NRXN1: variants seen among roughly 807,000 people sequenced by gnomAD.
NRXN1 encodes the protein neurexin-1.
In NRXN1, 39 loss-of-function variants were observed where a neutral mutation model predicts 150.9. The ratio of observed to expected loss-of-function variants is 0.26; its 90% CI spans 0.20 to 0.34. The LOEUF (loss-of-function observed/expected upper bound fraction) is 0.34. NRXN1 is among the 10% of genes least tolerant of loss of function. NRXN1 has a pLI of 1.00. For synonymous variants in NRXN1, 924 were observed against 757.0 expected (o/e 1.22, Z -3.62); for missense variants, 1,815 against 1,949.9 (o/e 0.93, Z 1.30).
rs142757394 is a variant in NRXN1 at position 50,583,108 on chromosome 2, C to T, written c.1321-30083G>A. On this transcript the variant is annotated intron_variant, in intron 8 of 22. Transcript: ENST00000401669. Reference sequence around the variant, plus strand: ...CGCTGTTACCCAGGCTGCAATTCAGCGGCATGATCTCAGCTCACTGCAGCC... The same window carrying T: ...CGCTGTTACCCAGGCTGCAATTCAGTGGCATGATCTCAGCTCACTGCAGCC... Among the ~76,000 whole-genome samples, 608 of 151,902 alleles carry T rather than the reference C, an allele frequency of 4.0e-3. 4 individuals carry two copies. Among genetic ancestry groups the T allele is most frequent in the African/African-American group, 0.013 (556 of 41,414 alleles).
At chr2:50,190,558 C>G (rs1280140364) in intron 18 of NRXN1, among the ~76,000 whole-genome samples, 2 of 151,638 alleles carry the variant, frequency 1.3e-5, no homozygotes, top group African/African-American at 4.8e-5. Context: ...TTGATTTAGC[C>G]TCTCTTCTAT....
intron 8 of NRXN1, among the ~76,000 whole-genome samples, chr2:50,601,718 G>T (rs1240451986): frequency 6.6e-6 from 1 of 152,098 alleles, no homozygotes; most frequent in East Asian, 1.9e-4. Flanking sequence ...TTGACCTGAA[G>T]GATTTAAAAA....
intron 17 of NRXN1, among the ~76,000 whole-genome samples, chr2:50,248,060 G>A (rs576786929): frequency 1.3e-5 from 2 of 151,982 alleles, no homozygotes; most frequent in Non-Finnish European, 2.9e-5. Context: ...CACATAGGCT[G>A]GAGTTCAGTG....
intron 18 of NRXN1, among the ~76,000 whole-genome samples, chr2:50,199,777 C>A (rs1054777254): frequency 6.6e-6 from 1 of 152,078 alleles, no homozygotes. Context: ...CTGAATGATA[C>A]AAAATGGTCC....
At chr2:50,442,561 C>A (rs577564424) in intron 17 of NRXN1, among the ~76,000 whole-genome samples, 1 of 152,166 alleles carries the variant, frequency 6.6e-6, no homozygotes, top group Non-Finnish European at 1.5e-5. Flanking sequence ...ATTTAGAACA[C>A]ATAAAGGTTG....
chr2:49,985,539 G>A (rs985214416), intron 21 of NRXN1, among the ~76,000 whole-genome samples: 2 of 152,168 alleles, frequency 1.3e-5, no homozygotes, highest in Admixed American at 6.5e-5. Flanking sequence ...CGTCATTTGT[G>A]CATAAACTCT....
At chr2:50,667,715 T>A (rs1688274990) in intron 5 of NRXN1, among the ~76,000 whole-genome samples, 1 of 151,968 alleles carries the variant, frequency 6.6e-6, no homozygotes, top group African/African-American at 2.4e-5. Flanking sequence ...TTTAACATAC[T>A]GTATCCCTTC....
chr2:50,709,967 G>C (rs1694944817), intron 5 of NRXN1, among the ~76,000 whole-genome samples: 1 of 152,158 alleles, frequency 6.6e-6, no homozygotes, highest in African/African-American at 2.4e-5. Flanking sequence ...ATACATGTAA[G>C]ACTCTACTAT....
chr2:50,951,861 T>A (rs1204146014), intron 2 of NRXN1, among the ~76,000 whole-genome samples: 1 of 150,154 alleles, frequency 6.7e-6, no homozygotes, highest in African/African-American at 2.4e-5. Context: ...TAATATATGT[T>A]ATATAATCTA....
chr2:50,956,059 T>TA (rs1692231779), intron 2 of NRXN1, among the ~76,000 whole-genome samples: 1 of 152,150 alleles, frequency 6.6e-6, no homozygotes, highest in Admixed American at 6.5e-5. Flanking sequence ...AATGTCCAGT[T>TA]AGTTCTTCCA....
intron 5 of NRXN1, among the ~76,000 whole-genome samples, chr2:50,915,020 A>G (rs191580681): frequency 2.6e-4 from 40 of 151,726 alleles, no homozygotes; most frequent in Admixed American, 5.3e-4. Flanking sequence ...ATGTTAAAAG[A>G]TAGTAATTTC....
intron 10 of NRXN1, among the ~76,000 whole-genome samples, chr2:50,535,197 T>C (rs1466765855): frequency 6.6e-6 from 1 of 152,240 alleles, no homozygotes; most frequent in Non-Finnish European, 1.5e-5. Flanking sequence ...TTATGCTATT[T>C]GGCAGCATCC....
intron 17 of NRXN1, among the ~76,000 whole-genome samples, chr2:50,416,682 T>A (rs780639983): frequency 3.9e-5 from 6 of 151,988 alleles, no homozygotes; most frequent in Non-Finnish European, 8.8e-5. Context: ...GAAGCAAACA[T>A]GTCCTTCTTC....
Position 50,346,574 on chromosome 2 carries a change from G to T in NRXN1, c.3365-109604C>A. ...TGGCTCGCACCAAGCACACCCAAAT[G>T]CACCTCCCTTTTGTCGAGCTCCCAT... On this transcript the variant is annotated intron_variant, in intron 17 of 22. Coordinates refer to ENST00000401669, the MANE Select transcript of NRXN1 (RefSeq NM_001330078.2). The surrounding 1 kb of genome is among the most constrained non-coding windows in gnomAD (Gnocchi z 5.0). 6.5e-6 allele frequency: 7 copies of T among 1,080,790 alleles called. No homozygotes were observed. Among genetic ancestry groups the T allele is most frequent in the East Asian group, 5.2e-5 (2 of 38,416 alleles). The allele number at this position is 1,080,790 out of a possible 1,614,324, so 67.0% of individuals were successfully genotyped here. A position where few individuals can be genotyped will look rare whatever the true frequency, so the allele number is the denominator to read the frequency against.
intron 8 of NRXN1, among the ~76,000 whole-genome samples, chr2:50,606,759 A>G (rs1373143314): frequency 1.3e-5 from 2 of 152,118 alleles, no homozygotes; most frequent in African/African-American, 4.8e-5. Context: ...TTAAAGAATA[A>G]TAAAGTTTTA....
chr2:50,152,062 A>T (rs540215231), intron 18 of NRXN1, among the ~76,000 whole-genome samples: 1 of 151,860 alleles, frequency 6.6e-6, no homozygotes, highest in East Asian at 1.9e-4. Context: ...AACATAAAAT[A>T]TACTGTCTTA....
At chr2:50,737,223 A>G (rs1206902382) in intron 5 of NRXN1, among the ~76,000 whole-genome samples, 2 of 152,186 alleles carry the variant, frequency 1.3e-5, no homozygotes, top group African/African-American at 2.4e-5. Flanking sequence ...AAAGTTAACT[A>G]TTTGAGATGT....
At chr2:50,748,426 G>A (rs1700235803) in intron 5 of NRXN1, among the ~76,000 whole-genome samples, 1 of 152,068 alleles carries the variant, frequency 6.6e-6, no homozygotes, top group African/African-American at 2.4e-5. Flanking sequence ...AACCATTGAA[G>A]AATTATTGGC....
At chr2:50,091,811 C>T (rs892950629) in intron 18 of NRXN1, among the ~76,000 whole-genome samples, 1 of 152,180 alleles carries the variant, frequency 6.6e-6, no homozygotes, top group Non-Finnish European at 1.5e-5. Flanking sequence ...TTTAACACAA[C>T]CCCTTTAATC....
Sources: allele counts gnomAD v4.1 joint callset (sites outside exome capture counted in the v4.1 genomes callset), GRCh38; gene constraint gnomAD v4.1.1; non-coding constraint Gnocchi (gnomAD v3.1); transcripts MANE v1.5; gene names NCBI Gene and HGNC (gene_info 2026-07-23, HGNC 2026-07-21).